TMPRSS11D: variants seen among roughly 807,000 people sequenced by gnomAD.
The protein encoded by TMPRSS11D is transmembrane serine protease 11D.
TMPRSS11D carries 32 observed loss-of-function variants against 44.4 expected under a neutral mutation model. The ratio of observed to expected loss-of-function variants is 0.72; its 90% CI spans 0.54 to 0.97. The LOEUF (loss-of-function observed/expected upper bound fraction) is 0.97, where lower values mean the gene tolerates loss of function less well. Ranked by LOEUF, TMPRSS11D falls within the 50% of genes least tolerant of loss-of-function variation. TMPRSS11D has a pLI of 0.00. For missense variants in TMPRSS11D, 446 were observed against 502.6 expected (o/e 0.89, Z 1.08); for synonymous variants, 179 against 177.9 (o/e 1.01, Z -0.05).
chr4:67,840,833 T>C (rs1334115316), intron 4 of TMPRSS11D, among the ~76,000 whole-genome samples: 1 of 152,080 alleles, frequency 6.6e-6, no homozygotes, highest in South Asian at 2.1e-4. Flanking sequence ...AAGAAATGTG[T>C]TTAAAAGACC....
chr4:67,826,736 C>A (rs1244210360), intron 8 of TMPRSS11D, among the ~76,000 whole-genome samples: 3 of 139,014 alleles, frequency 2.2e-5, no homozygotes, highest in African/African-American at 7.8e-5. Context: ...CCAGCCTGGG[C>A]AACAGAGCAA....
chr4:67,867,021 C>A (rs1401423870), intron 1 of TMPRSS11D, among the ~76,000 whole-genome samples: 1 of 151,734 alleles, frequency 6.6e-6, no homozygotes, highest in Non-Finnish European at 1.5e-5. Context: ...GCCAAAGAGC[C>A]AAAGCAATTC....
intron 1 of TMPRSS11D, among the ~76,000 whole-genome samples, chr4:67,870,854 AT>A (rs1439223516): frequency 6.7e-6 from 1 of 149,666 alleles, no homozygotes; most frequent in Non-Finnish European, 1.5e-5. Flanking sequence ...TCTCTGCTTT[AT>A]TATTATTTGC....
chr4:67,870,813 C>A (rs80232746), intron 1 of TMPRSS11D, among the ~76,000 whole-genome samples: 119 of 133,906 alleles, frequency 8.9e-4, no homozygotes, highest in Non-Finnish European at 1.1e-3. Context: ...GACCCTGTCT[C>A]AAAAAAAAAA....
In TMPRSS11D at chr4:67,883,794, C is replaced by T. The variant is rs1389174575; in HGVS notation, c.8+132G>A. ...TTATCTAAACAATATCTAAGAGTTT[C>T]GATGAAGTTTTCAGAGAAGTAACTA... On this transcript the variant is annotated intron_variant, in intron 1 of 9. Coordinates refer to ENST00000283916, the MANE Select transcript of TMPRSS11D (RefSeq NM_004262.3). 2.3e-5 allele frequency: 14 copies of T among 613,878 alleles called. No individual in the cohort carries two copies. In the South Asian group the frequency reaches 3.5e-4, roughly 15 times the overall value. The allele number at this position is 613,878 out of a possible 1,614,324, so 38.0% of individuals were successfully genotyped here.
chr4:67,842,458 A>G, intron 4 of TMPRSS11D, 100 bp downstream of exon 4: 1 of 1,096,616 alleles, frequency 9.1e-7, no homozygotes. Context: ...ATATTACAAC[A>G]ACTTATCTGA....
chr4:67,830,634 C>A (rs1717923078), intron 7 of TMPRSS11D, among the ~76,000 whole-genome samples: 1 of 151,998 alleles, frequency 6.6e-6, no homozygotes, highest in African/African-American at 2.4e-5. Flanking sequence ...TATTCAACTT[C>A]TTTTGCTCGG....
chr4:67,858,681 C>G (rs1182217702), intron 2 of TMPRSS11D, among the ~76,000 whole-genome samples: 4 of 151,996 alleles, frequency 2.6e-5, no homozygotes, highest in Admixed American at 1.3e-4. Context: ...CATGTACACA[C>G]CTGCACACCC....
chr4:67,840,061 G>A (rs1718195666), intron 4 of TMPRSS11D, among the ~76,000 whole-genome samples: 1 of 148,216 alleles, frequency 6.7e-6, no homozygotes, highest in Non-Finnish European at 1.5e-5. Context: ...TAACTGCTCT[G>A]GAGGTAGATA....
At chr4:67,850,706 C>G (rs1718483332) in intron 3 of TMPRSS11D, among the ~76,000 whole-genome samples, 2 of 152,152 alleles carry the variant, frequency 1.3e-5, no homozygotes, top group South Asian at 4.1e-4. Flanking sequence ...GGATATGCCT[C>G]CAACGGGAGC....
chr4:67,857,681 T>C (rs1718688005), intron 2 of TMPRSS11D, among the ~76,000 whole-genome samples: 1 of 151,912 alleles, frequency 6.6e-6, no homozygotes, highest in African/African-American at 2.4e-5. Flanking sequence ...ATGTAGAGAG[T>C]AGAATGACAG....
intron 2 of TMPRSS11D, among the ~76,000 whole-genome samples, chr4:67,856,786 A>C (rs1322591310): frequency 6.6e-6 from 1 of 150,386 alleles, no homozygotes; most frequent in Non-Finnish European, 1.5e-5. Context: ...ACTCAACACT[A>C]AAAAAAAATA....
chr4:67,857,143 A>T (rs1323413590), intron 2 of TMPRSS11D, among the ~76,000 whole-genome samples: 1 of 151,972 alleles, frequency 6.6e-6, no homozygotes, highest in Non-Finnish European at 1.5e-5. Context: ...TATTTATCCA[A>T]AGGAAAAGAA....
chr4:67,873,797 A>G (rs1719114701), intron 1 of TMPRSS11D, among the ~76,000 whole-genome samples: 1 of 152,164 alleles, frequency 6.6e-6, no homozygotes, highest in South Asian at 2.1e-4. Flanking sequence ...AGAAAAGATC[A>G]GAGAAAAGTG....
chr4:67,872,016 G>A (rs1719071384), intron 1 of TMPRSS11D, among the ~76,000 whole-genome samples: 1 of 152,112 alleles, frequency 6.6e-6, no homozygotes, highest in African/African-American at 2.4e-5. Context: ...AGCCCTGACA[G>A]GTTAGTTATG....
At chr4:67,832,449 A>G (rs1310280603) in intron 7 of TMPRSS11D, among the ~76,000 whole-genome samples, 3 of 152,004 alleles carry the variant, frequency 2.0e-5, no homozygotes, top group South Asian at 4.2e-4. Context: ...CTTTTTACCA[A>G]TAAGGTAAGT....
chr4:67,854,135 T>A lies in TMPRSS11D; in HGVS notation c.182A>T (p.Tyr61Phe), dbSNP rs373094048. 1.9e-6 allele frequency: 3 copies of A among 1,600,252 alleles called. No individual in the cohort carries two copies. The African/African-American group carries it at 4.0e-5, about 22-fold the overall frequency. Reference protein sequence around the residue: ...RSSFQLLNVEYNSQLNSPATQ... With the variant: ...RSSFQLLNVEFNSQLNSPATQ... The stretch of plus-strand genomic sequence containing the variant: ...AGCTGGTGAATTTAACTGACTATTA[T>A]ATTCAACATTTAGGAGTTGAAAACT... Residue 61 changes from tyrosine to phenylalanine, a missense_variant, in exon 3 of 10, where the codon TAT becomes TTT. Coordinates refer to ENST00000283916, the MANE Select transcript of TMPRSS11D (RefSeq NM_004262.3).
At chr4:67,846,719 A>G (rs1577815021) in intron 3 of TMPRSS11D, among the ~76,000 whole-genome samples, 1 of 152,186 alleles carries the variant, frequency 6.6e-6, no homozygotes, top group Non-Finnish European at 1.5e-5. Context: ...TACAAAATCT[A>G]TTAAACATTA....
At chr4:67,873,921 G>A (rs1719117084) in intron 1 of TMPRSS11D, among the ~76,000 whole-genome samples, 1 of 152,038 alleles carries the variant, frequency 6.6e-6, no homozygotes, top group Non-Finnish European at 1.5e-5. Flanking sequence ...TTAACTTATT[G>A]CTTCATCAAA....
Sources: gnomAD v4.1 joint callset for allele counts (sites outside exome capture counted in the v4.1 genomes callset) on GRCh38, gnomAD v4.1.1 for gene constraint, MANE v1.5 for transcripts, NCBI Gene and HGNC (gene_info 2026-07-23, HGNC 2026-07-21) for gene names.